The following VPS13C variants were observed in gnomAD, a reference collection of about 807,000 sequenced individuals.
The protein encoded by VPS13C is vacuolar protein sorting 13 homolog C.
A neutral mutation model predicts 456.8 loss-of-function variants in VPS13C; 358 were observed. That is an observed-to-expected ratio of 0.78 (90% CI 0.72 to 0.86). The LOEUF (loss-of-function observed/expected upper bound fraction) is 0.86. Ranked by LOEUF, VPS13C falls within the 40% of genes least tolerant of loss-of-function variation. The pLI is 0.00. For synonymous variants in VPS13C, 1,578 were observed against 1,486.7 expected (o/e 1.06, Z -1.41); for missense variants, 4,818 against 4,385.4 (o/e 1.10, Z -2.79).
intron 9 of VPS13C, among the ~76,000 whole-genome samples, chr15:62,019,928 T>C (rs2047395756): frequency 6.6e-6 from 1 of 150,990 alleles, no homozygotes; most frequent in Non-Finnish European, 1.5e-5. Flanking sequence ...TTGCCTGTAA[T>C]AGAAATAAAA....
At chr15:61,906,955 A>G (rs758951741) in intron 66 of VPS13C, 5 of 289,766 alleles carry the variant, frequency 1.7e-5, no homozygotes, top group Non-Finnish European at 3.3e-5. Flanking sequence ...TGTTCAAAAT[A>G]AAGTTGTTTT....
chr15:61,897,753 A>C (rs2042873216), intron 66 of VPS13C, among the ~76,000 whole-genome samples: 1 of 152,120 alleles, frequency 6.6e-6, no homozygotes, highest in Non-Finnish European at 1.5e-5. Flanking sequence ...TACAGAAAAC[A>C]CCACAAAGAT....
chr15:61,951,125 C>T, intron 39 of VPS13C, 101 bp from the exon 40 acceptor site: 4 of 649,390 alleles, frequency 6.2e-6, no homozygotes, highest in Non-Finnish European at 7.7e-6. Context: ...TGTCAAAACT[C>T]AGGACTGTAC....
chr15:62,037,275 T>C (rs1197461285), intron 3 of VPS13C, among the ~76,000 whole-genome samples: 2 of 74,494 alleles, frequency 2.7e-5, no homozygotes, highest in East Asian at 4.7e-4. Context: ...TATTATATAA[T>C]ATATTATATA....
intron 16 of VPS13C, among the ~76,000 whole-genome samples, chr15:61,997,952 T>G (rs901710300): frequency 6.6e-6 from 1 of 152,074 alleles, no homozygotes; most frequent in Admixed American, 6.6e-5. Context: ...CAATTCAGAG[T>G]AAGAGCCAAA....
chr15:61,951,209 T>C lies in VPS13C; in HGVS notation c.4457-185A>G, dbSNP rs73412791. On this transcript the variant is annotated intron_variant, in intron 39 of 84. Transcript: ENST00000644861. ...TGGCTTTGAAAAAAAAGGAAACAAA[T>C]TCCATAAAACAAAAATACTAGTACC... Among the ~76,000 whole-genome samples, 458 of 151,998 alleles carry C rather than the reference T, an allele frequency of 3.0e-3. 2 individuals are homozygous for C. The highest frequency in any genetic ancestry group is 0.011 in the African/African-American group (438 of 41,496).
intron 1 of VPS13C, among the ~76,000 whole-genome samples, chr15:62,048,577 T>C (rs1269605351): frequency 1.3e-5 from 2 of 152,170 alleles, no homozygotes; most frequent in Admixed American, 6.5e-5. Context: ...TGAGCATGTG[T>C]CTTTATAGCA....
intron 5 of VPS13C, among the ~76,000 whole-genome samples, chr15:62,031,751 C>G (rs558229772): frequency 6.6e-6 from 1 of 151,916 alleles, no homozygotes; most frequent in Non-Finnish European, 1.5e-5. Flanking sequence ...AAAATTAATA[C>G]TACAGATGTA....
At chr15:61,891,455 G>T (rs1269932759) in intron 66 of VPS13C, among the ~76,000 whole-genome samples, 1 of 152,102 alleles carries the variant, frequency 6.6e-6, no homozygotes, top group Non-Finnish European at 1.5e-5. Flanking sequence ...ACTCTAATAA[G>T]AAATCAAATT....
intron 46 of VPS13C, 98 bp from the exon 47 acceptor site, chr15:61,940,892 G>C: frequency 1.6e-6 from 2 of 1,234,416 alleles, no homozygotes; most frequent in Admixed American, 5.5e-5. Context: ...ATTTCATAAA[G>C]GCTAAAAGCT....
intron 79 of VPS13C, among the ~76,000 whole-genome samples, chr15:61,869,991 C>T (rs567482914): frequency 3.9e-5 from 6 of 152,024 alleles, no homozygotes; most frequent in Non-Finnish European, 8.8e-5. Context: ...TAAACATTCT[C>T]TTTTTTAATG....
rs747033941 is a variant in VPS13C at position 61,867,900 on chromosome 15, A to G, written c.10863+759T>C. On this transcript the variant is annotated intron_variant, in intron 81 of 84. Transcript: ENST00000644861. The surrounding 1 kb of genome is among the most constrained non-coding windows in gnomAD (Gnocchi z 5.0). ...GTTTGTTTTGATTTTTAAGGATGAA[A>G]TCAAGTAGTAGTTTAGGAAACATTT... 2.5e-5 allele frequency: 40 copies of G among 1,606,484 alleles called. No individual in the cohort carries two copies. Among genetic ancestry groups the G allele is most frequent in the South Asian group, 1.1e-5 (1 of 89,492 alleles).
chr15:61,958,095 G>A (rs1202789860), intron 37 of VPS13C, among the ~76,000 whole-genome samples: 1 of 151,602 alleles, frequency 6.6e-6, no homozygotes, highest in Non-Finnish European at 1.5e-5. Flanking sequence ...TAAAAAATAA[G>A]GCTAGAACTT....
Position 61,959,602 on chromosome 15 carries a change from A to G in VPS13C, c.3909-7T>C, listed in dbSNP as rs1456725566. 2.5e-6 allele frequency: 4 copies of G among 1,608,018 alleles called. No individual in the cohort carries two copies. The highest frequency in any genetic ancestry group is 3.4e-6 in the Non-Finnish European group (4 of 1,176,258). ...GCCTGGCTGGATCACTGTCCTACGAAAAACAGAAATGTTACATAATGCATA... is the reference window on the plus strand; with the variant it reads ...GCCTGGCTGGATCACTGTCCTACGAGAAACAGAAATGTTACATAATGCATA... On this transcript the variant is annotated splice_polypyrimidine_tract_variant and splice_region_variant and intron_variant, in intron 35 of 84. Coordinates refer to ENST00000644861, the MANE Select transcript of VPS13C (RefSeq NM_020821.3).
At chr15:62,033,172 G>C (rs750404501) in intron 5 of VPS13C, among the ~76,000 whole-genome samples, 30 of 151,322 alleles carry the variant, frequency 2.0e-4, no homozygotes, top group Non-Finnish European at 3.7e-4. Context: ...TGAAAATTTG[G>C]AAAGTCTTCC....
intron 35 of VPS13C, among the ~76,000 whole-genome samples, chr15:61,960,990 A>G (rs962404814): frequency 6.6e-6 from 1 of 152,040 alleles, no homozygotes; most frequent in Non-Finnish European, 1.5e-5. Context: ...CTGAGGCAGG[A>G]GAATCACTTG....
At position 61,922,999 on chromosome 15, in the gene VPS13C, G is replaced by A. The variant is rs1408705020; in HGVS notation, c.6610-237C>T. Among the ~76,000 whole-genome samples, 4 of 152,134 alleles carry A rather than the reference G, an allele frequency of 2.6e-5. No individual in the cohort carries two copies. The East Asian group carries it at 7.7e-4, about 29-fold the overall frequency. ...TCATGCAACACTGACTTCTACTCAG[G>A]TTATCTGGAATTAAATAACTAATGT... is the stretch of plus-strand genomic sequence containing the variant. On this transcript the variant is annotated intron_variant, in intron 53 of 84. Coordinates refer to ENST00000644861, the MANE Select transcript of VPS13C (RefSeq NM_020821.3).
intron 1 of VPS13C, among the ~76,000 whole-genome samples, chr15:62,047,352 T>C (rs184317397): frequency 6.6e-6 from 1 of 151,962 alleles, no homozygotes; most frequent in Non-Finnish European, 1.5e-5. Context: ...GCAGGAGAAC[T>C]GCTTGAACCT....
At chr15:61,999,556 G>A (rs534673445) in intron 16 of VPS13C, among the ~76,000 whole-genome samples, 1 of 152,086 alleles carries the variant, frequency 6.6e-6, no homozygotes, top group South Asian at 2.1e-4. Flanking sequence ...GGACTAAAAG[G>A]ATATACAGAA....
Sources: gnomAD v4.1 joint callset for allele counts (sites outside exome capture counted in the v4.1 genomes callset) on GRCh38, gnomAD v4.1.1 for gene constraint, Gnocchi (gnomAD v3.1) non-coding constraint, MANE v1.5 for transcripts, NCBI Gene and HGNC (gene_info 2026-07-23, HGNC 2026-07-21) for gene names.